Variants in SCARB2 observed in about 807,000 individuals in gnomAD.
SCARB2 encodes scavenger receptor class B member 2.
Under a neutral mutation model 58.6 loss-of-function variants are expected in SCARB2, and 29 were observed. The observed-to-expected ratio is 0.49, with a 90% CI of 0.37 to 0.67. The LOEUF is 0.67. Ranked by LOEUF, SCARB2 falls within the 30% of genes least tolerant of loss-of-function variation. The pLI is 0.00. For synonymous variants in SCARB2, 195 were observed against 210.1 expected, an observed-to-expected ratio of 0.93 and a Z score of 0.62; for missense variants, 488 against 578.5, an observed-to-expected ratio of 0.84 and a Z score of 1.60.
At chr4:76,169,341 C>G (rs78857336) in intron 8 of SCARB2, among the ~76,000 whole-genome samples, 1 of 151,126 alleles carries the variant, frequency 6.6e-6, no homozygotes, top group South Asian at 2.1e-4. Flanking sequence ...CACACACACA[C>G]GTGTGTATGT....
At chr4:76,225,153 A>T (rs1733372935) in intron 1 of SCARB2, among the ~76,000 whole-genome samples, 1 of 152,180 alleles carries the variant, frequency 6.6e-6, no homozygotes, top group Non-Finnish European at 1.5e-5. Flanking sequence ...ATTCCATAGT[A>T]AATATATATA....
chr4:76,220,424 CA>C (rs1733287878), intron 1 of SCARB2, among the ~76,000 whole-genome samples: 1 of 152,080 alleles, frequency 6.6e-6, no homozygotes, highest in African/African-American at 2.4e-5. Flanking sequence ...ACCAGGAGTT[CA>C]AGACTAGCCT....
At chr4:76,166,069 A>G in intron 10 of SCARB2, 181 bp downstream of exon 10, 2 of 705,526 alleles carry the variant, frequency 2.8e-6, no homozygotes, top group Non-Finnish European at 5.0e-6. Flanking sequence ...ATTTCTCCAA[A>G]TCAGCTCTCA....
At chr4:76,219,180 A>C (rs1056589840) in intron 1 of SCARB2, among the ~76,000 whole-genome samples, 1 of 152,210 alleles carries the variant, frequency 6.6e-6, no homozygotes, top group African/African-American at 2.4e-5. Flanking sequence ...AAGCAATGGC[A>C]CTGGAATACT....
At chr4:76,229,596 T>C (rs1733458473) in intron 1 of SCARB2, among the ~76,000 whole-genome samples, 1 of 152,148 alleles carries the variant, frequency 6.6e-6, no homozygotes, top group Admixed American at 6.5e-5. Context: ...CTGAACTGAA[T>C]GATTATTATT....
At chr4:76,211,100 AC>A (rs2109971776) in intron 1 of SCARB2, among the ~76,000 whole-genome samples, 1 of 152,348 alleles carries the variant, frequency 6.6e-6, no homozygotes, top group African/African-American at 2.4e-5. Flanking sequence ...AGTGCTTTAT[AC>A]TTGGTCCTAC....
Position 76,169,930 on chromosome 4 carries a change from A to C in SCARB2, c.1050T>G (p.Val350=). ...PHFYQADERF[V]SAIEGMHPNQ... is the part of the protein sequence containing the mutation. The stretch of plus-strand genomic sequence containing the variant: ...TTGGGTGCATGCCTTCTATGGCAGA[A>C]ACAAACCTCTCATCTGCTTGGTAAA... The change falls in exon 8 of 12, where the codon GTT becomes GTG. Residue 350 remains valine, a synonymous_variant. Coordinates refer to ENST00000264896, the MANE Select transcript of SCARB2 (RefSeq NM_005506.4). The C allele has an allele frequency of 6.2e-7, 1 of 1,614,108 alleles. No individual in the cohort carries two copies. The highest frequency in any genetic ancestry group is 8.5e-7 in the Non-Finnish European group (1 of 1,180,002).
intron 1 of SCARB2, among the ~76,000 whole-genome samples, chr4:76,196,103 G>A (rs1732707206): frequency 6.6e-6 from 1 of 152,204 alleles, no homozygotes; most frequent in South Asian, 2.1e-4. Flanking sequence ...CGGGCCCAGT[G>A]GCCCAACACT....
At chr4:76,197,031 G>A (rs2109961895) in intron 1 of SCARB2, among the ~76,000 whole-genome samples, 2 of 152,312 alleles carry the variant, frequency 1.3e-5, no homozygotes, top group African/African-American at 4.8e-5. Context: ...CAGAGGGAAG[G>A]CCACGTGAAA....
chr4:76,179,477 C>A, intron 4 of SCARB2, 40 bp downstream of exon 4: 1 of 1,459,288 alleles, frequency 6.9e-7, no homozygotes, highest in South Asian at 1.1e-5. Flanking sequence ...AACCCACTGT[C>A]AGCTAAAAAA....
At chr4:76,172,362 G>A (rs556036785) in intron 7 of SCARB2, among the ~76,000 whole-genome samples, 184 of 151,656 alleles carry the variant, frequency 1.2e-3, no homozygotes, top group Non-Finnish European at 2.3e-3. Context: ...GAATTCCTAC[G>A]CTCCAGCCTC....
chr4:76,180,057 A>ACC, intron 3 of SCARB2: 2 of 359,272 alleles, frequency 5.6e-6, no homozygotes, highest in South Asian at 2.4e-5. Context: ...GCTCATTATA[A>ACC]ACCCGACCTA....
At chr4:76,172,055 T>A (rs1732141069) in intron 7 of SCARB2, among the ~76,000 whole-genome samples, 1 of 148,668 alleles carries the variant, frequency 6.7e-6, no homozygotes, top group Non-Finnish European at 1.5e-5. Flanking sequence ...AATATAAGTA[T>A]ATGCAAATAT....
Position 76,205,423 on chromosome 4 carries a change from A to T in SCARB2, c.117+8004T>A, listed in dbSNP as rs61322694. Among the ~76,000 whole-genome samples the T allele has an allele frequency of 2.6e-4, 40 of 152,332 alleles. No homozygotes were observed. In the East Asian group the frequency reaches 6.2e-3, roughly 23 times the overall value. ...TGAGATTAGATTTTGTGTTCTTACC[A>T]CAAAACAAAGATAAGTAATTGAGGT... On this transcript the variant is annotated intron_variant, in intron 1 of 11. Transcript: ENST00000264896.
intron 1 of SCARB2, among the ~76,000 whole-genome samples, chr4:76,207,800 C>T (rs1361237081): frequency 5.9e-5 from 9 of 152,126 alleles, no homozygotes; most frequent in Non-Finnish European, 1.0e-4. Context: ...CTGCTGTGGC[C>T]TGACAGAATG....
chr4:76,232,218 CA>C, intron 1 of SCARB2, among the ~76,000 whole-genome samples: 1 of 152,290 alleles, frequency 6.6e-6, no homozygotes, highest in South Asian at 2.1e-4. Context: ...ATATTCCAAG[CA>C]AAAGTCAAAA....
At chr4:76,187,800 T>C (rs1220904872) in intron 2 of SCARB2, among the ~76,000 whole-genome samples, 1 of 152,092 alleles carries the variant, frequency 6.6e-6, no homozygotes, top group East Asian at 1.9e-4. Context: ...TTAGTGATTA[T>C]ATATATGGAA....
intron 1 of SCARB2, among the ~76,000 whole-genome samples, chr4:76,225,719 G>A (rs56277851): frequency 0.64 from 97,510 of 151,580 alleles, 33,357 homozygotes; most frequent in Non-Finnish European, 0.78. Context: ...AACCACCCCT[G>A]TATCCCTGGT....
chr4:76,206,327 G>A (rs1732930127), intron 1 of SCARB2, among the ~76,000 whole-genome samples: 1 of 152,132 alleles, frequency 6.6e-6, no homozygotes, highest in African/African-American at 2.4e-5. Context: ...AGGGAAGGCA[G>A]GTCTCTTCTA....
Sources: allele counts gnomAD v4.1 joint callset (sites outside exome capture counted in the v4.1 genomes callset), GRCh38; gene constraint gnomAD v4.1.1; transcripts MANE v1.5; gene names NCBI Gene and HGNC (gene_info 2026-07-23, HGNC 2026-07-21).